COL25A1: variants seen among roughly 807,000 people sequenced by gnomAD.
COL25A1 encodes the protein collagen type XXV alpha 1 chain, also known as collagen alpha-1(XXV) chain.
A neutral mutation model predicts 128.4 loss-of-function variants in COL25A1; 103 were observed. That is an observed-to-expected ratio of 0.80 (90% CI 0.68 to 0.94). COL25A1 has a LOEUF of 0.94. Ranked by LOEUF, COL25A1 falls within the 40% of genes least tolerant of loss-of-function variation. COL25A1 has a pLI of 0.00. For synonymous variants in COL25A1, 279 were observed against 277.2 expected (o/e 1.01, Z -0.06); for missense variants, 745 against 840.0 (o/e 0.89, Z 1.40).
intron 3 of COL25A1, among the ~76,000 whole-genome samples, chr4:109,056,519 T>C (rs1259577684): frequency 6.6e-6 from 1 of 152,184 alleles, no homozygotes; most frequent in Non-Finnish European, 1.5e-5. Context: ...TTCAAGCTTT[T>C]ATACCAAGGG....
intron 3 of COL25A1, among the ~76,000 whole-genome samples, chr4:109,123,484 T>C (rs1449596692): frequency 6.6e-6 from 1 of 151,994 alleles, no homozygotes; most frequent in African/African-American, 2.4e-5. Flanking sequence ...AAGGGATAAA[T>C]AAATAAATAA....
Position 108,813,809 on chromosome 4 carries a change from A to C in COL25A1, c.*118T>G. ...GACATGTATACTACTGCCAGCAGGA[A>C]GAAGCAGCCCTATGTAAACATATCT... On this transcript the variant is annotated 3_prime_UTR_variant, in exon 38 of 38. Coordinates refer to ENST00000399132, the MANE Select transcript of COL25A1 (RefSeq NM_198721.4). 1.3e-6 allele frequency: 1 copy of C among 780,518 alleles called. No homozygotes were observed. Among genetic ancestry groups the C allele is most frequent in the Non-Finnish European group, 2.1e-6 (1 of 465,526 alleles). 48.3% of individuals were successfully genotyped at this position (780,518 alleles called of 1,614,324 possible). A position where few individuals can be genotyped will look rare whatever the true frequency, so the allele number is the denominator to read the frequency against.
At chr4:108,963,238 C>A (rs1329450744) in intron 8 of COL25A1, among the ~76,000 whole-genome samples, 1 of 152,110 alleles carries the variant, frequency 6.6e-6, no homozygotes, top group Non-Finnish European at 1.5e-5. Flanking sequence ...GCTTTCTTGA[C>A]TTCTATTTGG....
At chr4:109,223,398 TC>T (rs1553962753) in intron 3 of COL25A1, among the ~76,000 whole-genome samples, 99 of 150,446 alleles carry the variant, frequency 6.6e-4, no homozygotes, top group Admixed American at 8.0e-4. Flanking sequence ...ATTCCACATT[TC>T]CCCCCCCCAA....
At chr4:109,071,142 A>G (rs1762935503) in intron 3 of COL25A1, among the ~76,000 whole-genome samples, 1 of 152,110 alleles carries the variant, frequency 6.6e-6, no homozygotes, top group Non-Finnish European at 1.5e-5. Flanking sequence ...AAATAATACC[A>G]CACATCTACA....
At chr4:109,189,678 G>A (rs1775433541) in intron 3 of COL25A1, among the ~76,000 whole-genome samples, 1 of 151,512 alleles carries the variant, frequency 6.6e-6, no homozygotes, top group African/African-American at 2.4e-5. Context: ...CCTCAGCACT[G>A]TATCTACTTT....
intron 3 of COL25A1, among the ~76,000 whole-genome samples, chr4:109,274,370 T>C (rs1047127840): frequency 6.6e-6 from 1 of 152,164 alleles, no homozygotes; most frequent in Admixed American, 6.5e-5. Context: ...TTTATAAGAT[T>C]CTAATAAATC....
At chr4:109,172,865 A>C (rs1323491102) in intron 3 of COL25A1, among the ~76,000 whole-genome samples, 1 of 152,186 alleles carries the variant, frequency 6.6e-6, no homozygotes, top group African/African-American at 2.4e-5. Flanking sequence ...AAGATTCATC[A>C]TGGGGTATGC....
chr4:108,917,084 C>CACTG (rs1022534938), intron 13 of COL25A1, among the ~76,000 whole-genome samples: 1 of 152,168 alleles, frequency 6.6e-6, no homozygotes, highest in Non-Finnish European at 1.5e-5. Flanking sequence ...ATTAGGTAGG[C>CACTG]ACTGCCATTG....
chr4:109,160,253 G>C (rs963047957), intron 3 of COL25A1, among the ~76,000 whole-genome samples: 2 of 152,052 alleles, frequency 1.3e-5, no homozygotes, highest in African/African-American at 2.4e-5. Flanking sequence ...AGTAAATAAA[G>C]GTCTGAGAAG....
At position 108,848,981 on chromosome 4, in the gene COL25A1, A is replaced by G. The variant is rs116333325; in HGVS notation, c.1390-178T>C. On this transcript the variant is annotated intron_variant, in intron 26 of 37. Coordinates refer to ENST00000399132, the MANE Select transcript of COL25A1 (RefSeq NM_198721.4). The stretch of plus-strand genomic sequence containing the variant: ...TAAGGGAAGTAATAATCTTTCTTCA[A>G]GATTATGTATAGTATTTATATGTAG... Among the ~76,000 whole-genome samples the G allele has an allele frequency of 6.6e-3, 1,007 of 152,292 alleles. 10 individuals carry two copies. The highest frequency in any genetic ancestry group is 0.023 in the African/African-American group (962 of 41,574).
chr4:109,189,915 A>G (rs1239231038), intron 3 of COL25A1, among the ~76,000 whole-genome samples: 1 of 152,114 alleles, frequency 6.6e-6, no homozygotes, highest in Non-Finnish European at 1.5e-5. Flanking sequence ...TCCCCAGCAA[A>G]TATTTGTCCT....
intron 3 of COL25A1, among the ~76,000 whole-genome samples, chr4:109,139,320 T>G (rs930280193): frequency 6.6e-6 from 1 of 152,210 alleles, no homozygotes; most frequent in African/African-American, 2.4e-5. Flanking sequence ...GTGCAGAAGC[T>G]CTTTAGTTTA....
At position 108,812,316 on chromosome 4, in the gene COL25A1, T is replaced by C. The variant is rs1035777253; in HGVS notation, c.*1611A>G. On this transcript the variant is annotated 3_prime_UTR_variant, in exon 38 of 38. Transcript: ENST00000399132. ...TGTTAAAAAGAGAAAGAAATCTAAA[T>C]ATAGACAAAACTTAAAACCATAAAA... 6.6e-6 allele frequency: 1 copy of C among 152,072 alleles called. No individual in the cohort carries two copies. Among genetic ancestry groups the C allele is most frequent in the Non-Finnish European group, 1.5e-5 (1 of 68,024 alleles). 9.4% of individuals were successfully genotyped at this position (152,072 alleles called of 1,614,324 possible).
chr4:109,219,633 A>C (rs1778280237), intron 3 of COL25A1, among the ~76,000 whole-genome samples: 1 of 152,110 alleles, frequency 6.6e-6, no homozygotes, highest in South Asian at 2.1e-4. Flanking sequence ...TATTTTCAAT[A>C]ATTCCTGTCT....
intron 13 of COL25A1, among the ~76,000 whole-genome samples, chr4:108,908,709 G>C (rs778280338): frequency 5.3e-5 from 8 of 152,176 alleles, no homozygotes; most frequent in Non-Finnish European, 7.3e-5. Context: ...AATTCACACA[G>C]AGGCGGCTGT....
intron 24 of COL25A1, among the ~76,000 whole-genome samples, chr4:108,856,042 A>G (rs10010914): frequency 0.083 from 12,694 of 152,320 alleles, 607 homozygotes; most frequent in Non-Finnish European, 0.1. Context: ...GGCATGAACT[A>G]CAGAAACTGC....
intron 8 of COL25A1, among the ~76,000 whole-genome samples, chr4:108,959,121 C>A (rs759895042): frequency 1.3e-5 from 2 of 151,988 alleles, no homozygotes; most frequent in African/African-American, 2.4e-5. Flanking sequence ...AAACTGCATG[C>A]ATATTTAAGT....
rs117961195 is a variant in COL25A1, at chr4:108,922,834, T to C, written c.709-2230A>G. Among the ~76,000 whole-genome samples, 17 of 152,334 alleles carry C rather than the reference T, an allele frequency of 1.1e-4. No homozygotes were observed. In the East Asian group the frequency reaches 1.7e-3, roughly 16 times the overall value. The stretch of plus-strand genomic sequence containing the variant: ...ACATTAATTTTGAATTGGGAATACA[T>C]GTCTTATAGAATTTTCATAACTATG... On this transcript the variant is annotated intron_variant, in intron 11 of 37. Transcript: ENST00000399132.
Sources: allele counts gnomAD v4.1 joint callset (sites outside exome capture counted in the v4.1 genomes callset), GRCh38; gene constraint gnomAD v4.1.1; transcripts MANE v1.5; gene names NCBI Gene and HGNC (gene_info 2026-07-23, HGNC 2026-07-21).